Variants in NOL4L observed in about 807,000 individuals in gnomAD.
NOL4L encodes the protein nucleolar protein 4-like.
NOL4L carries 7 observed loss-of-function variants against 64.5 expected under a neutral mutation model. The observed-to-expected ratio is 0.11, with a 90% CI of 0.06 to 0.20. The LOEUF is 0.20. Among genes scored for constraint, NOL4L ranks in the 10% least tolerant of loss-of-function variants. NOL4L has a pLI of 1.00. For missense variants in NOL4L, 680 were observed against 967.1 expected (o/e 0.70, Z 3.94); for synonymous variants, 413 against 401.0 (o/e 1.03, Z -0.36).
intron 1 of NOL4L, among the ~76,000 whole-genome samples, chr20:32,539,941 C>T (rs1043108016): frequency 1.3e-5 from 2 of 152,180 alleles, no homozygotes; most frequent in African/African-American, 2.4e-5. Flanking sequence ...GCCCCTCGGC[C>T]GGGGCTGATA....
At chr20:32,572,997 C>T (rs2145621743) in intron 1 of NOL4L, among the ~76,000 whole-genome samples, 1 of 152,210 alleles carries the variant, frequency 6.6e-6, no homozygotes, top group South Asian at 2.1e-4. Context: ...TTCAGCTCCC[C>T]AAGGCAGCTC....
chr20:32,465,169 G>A (rs536834946), intron 5 of NOL4L: 6 of 473,406 alleles, frequency 1.3e-5, no homozygotes, highest in East Asian at 7.0e-5. Context: ...CCAATTATGC[G>A]TCAGGTCCCG....
intron 1 of NOL4L, among the ~76,000 whole-genome samples, chr20:32,552,308 A>G (rs1978347224): frequency 6.6e-6 from 1 of 152,180 alleles, no homozygotes; most frequent in African/African-American, 2.4e-5. Flanking sequence ...GGGGAGAGGA[A>G]CAGGGTGACT....
At position 32,443,983 on chromosome 20, in the gene NOL4L, T is replaced by A. The variant is rs1386592786; in HGVS notation, c.*3613A>T. 2 of 152,374 alleles carry A rather than the reference T, an allele frequency of 1.3e-5. No homozygotes were observed. The highest frequency in any genetic ancestry group is 1.3e-4 in the Admixed American group (2 of 15,306). The allele number at this position is 152,374 out of a possible 1,614,324, so 9.4% of individuals were successfully genotyped here. A position where few individuals can be genotyped will look rare whatever the true frequency, so the allele number is the denominator to read the frequency against. On this transcript the variant is annotated 3_prime_UTR_variant, in exon 11 of 11. Coordinates refer to ENST00000621426, the MANE Select transcript of NOL4L (RefSeq NM_001256798.2). ...CTGAGTTCTACGTGGTATAGGTTTTTTGTTGTATTTTTAGGTGGAAACGTA... is the reference window on the plus strand; with the variant it reads ...CTGAGTTCTACGTGGTATAGGTTTTATGTTGTATTTTTAGGTGGAAACGTA...
chr20:32,521,270 G>C (rs1343404344), intron 2 of NOL4L, among the ~76,000 whole-genome samples: 9 of 152,162 alleles, frequency 5.9e-5, no homozygotes, highest in Admixed American at 4.6e-4. Context: ...CTCTAGCGTA[G>C]GGTGAGCAGT....
At chr20:32,584,101 C>A (rs1252615492) in intron 1 of NOL4L, among the ~76,000 whole-genome samples, 1 of 141,314 alleles carries the variant, frequency 7.1e-6, no homozygotes, top group South Asian at 2.3e-4. Flanking sequence ...TCCCTCCCCC[C>A]CCCCCACCCC....
rs997216070 is a variant in NOL4L, at chr20:32,443,976, A to AG, written c.*3619dup. The AG allele has an allele frequency of 2.6e-5, 4 of 152,192 alleles. No individual in the cohort carries two copies. The highest frequency in any genetic ancestry group is 6.5e-5 in the Admixed American group (1 of 15,282). 9.4% of individuals were successfully genotyped at this position (152,192 alleles called of 1,614,324 possible). A position where few individuals can be genotyped will look rare whatever the true frequency, so the allele number is the denominator to read the frequency against. On this transcript the variant is annotated 3_prime_UTR_variant, in exon 11 of 11. Transcript: ENST00000621426. ...AGCCAATCTGAGTTCTACGTGGTAT[A>AG]GGTTTTTTGTTGTATTTTTAGGTGG...
At chr20:32,522,138 C>T (rs2017966732) in intron 2 of NOL4L, among the ~76,000 whole-genome samples, 1 of 152,224 alleles carries the variant, frequency 6.6e-6, no homozygotes, top group African/African-American at 2.4e-5. Flanking sequence ...TGGGGTGTCC[C>T]AGGCTGTGGC....
In NOL4L at chr20:32,536,293, C is replaced by T. The variant is rs894714700; in HGVS notation, c.322-8380G>A. The stretch of plus-strand genomic sequence containing the variant: ...CCCTGAGCCAGCCAGGCCCCGCGGG[C>T]GGGTCCCTCTCGGGCCGAGGAGGCG... On this transcript the variant is annotated intron_variant, in intron 1 of 10. Coordinates refer to ENST00000621426, the MANE Select transcript of NOL4L (RefSeq NM_001256798.2). 15 of 985,216 alleles carry T rather than the reference C, an allele frequency of 1.5e-5. No individual in the cohort carries two copies. The South Asian group carries it at 6.1e-4, about 40-fold the overall frequency. The allele number at this position is 985,216 out of a possible 1,614,324, so 61.0% of individuals were successfully genotyped here. A position where few individuals can be genotyped will look rare whatever the true frequency, so the allele number is the denominator to read the frequency against.
chr20:32,492,012 G>A (rs2016487598), intron 4 of NOL4L, among the ~76,000 whole-genome samples: 1 of 152,206 alleles, frequency 6.6e-6, no homozygotes, highest in Non-Finnish European at 1.5e-5. Context: ...TGTGGAGGCT[G>A]AGGTGGGAGG....
intron 4 of NOL4L, among the ~76,000 whole-genome samples, chr20:32,488,818 T>TTTCC (rs2016282079): frequency 1.1e-4 from 2 of 17,420 alleles, no homozygotes; most frequent in East Asian, 3.4e-3. Context: ...TCTTTCTTTC[T>TTTCC]TTCTTTCTTT....
rs1021516793 is a variant in NOL4L, at chr20:32,511,436, G to C, written c.610C>G (p.Leu204Val). Residue 204 changes from leucine (L) to valine (V), a missense_variant, in exon 4 of 11, where the codon CTG becomes GTG. By Grantham distance (32) the Leu-to-Val change is conservative. Transcript: ENST00000621426. The part of the protein sequence containing the change: ...EPKENEPPSP[L>V]VSGIIDYNMP... ...TTGTAATCAATAATCCCAGAGACCA[G>C]TGGAGATGGAGGCTCGTTTTCTGGC... is the stretch of plus-strand genomic sequence containing the variant. 3.9e-6 allele frequency: 6 copies of C among 1,550,186 alleles called. No homozygotes were observed. The highest frequency in any genetic ancestry group is 1.2e-5 in the South Asian group (1 of 84,052).
intron 6 of NOL4L, 69 bp downstream of exon 6, chr20:32,456,049 A>C (rs904952916): frequency 7.0e-7 from 1 of 1,428,144 alleles, no homozygotes; most frequent in African/African-American, 1.5e-5. Flanking sequence ...CTGGGCGTAT[A>C]CAATTTCATT....
intron 4 of NOL4L, among the ~76,000 whole-genome samples, chr20:32,497,861 G>C (rs1046547729): frequency 1.3e-5 from 2 of 152,212 alleles, no homozygotes; most frequent in Admixed American, 6.5e-5. Flanking sequence ...TGGACGCCCA[G>C]GTAGCAGCTC....
At chr20:32,537,034 C>G in intron 1 of NOL4L, 7 of 983,410 alleles carry the variant, frequency 7.1e-6, no homozygotes, top group Non-Finnish European at 8.4e-6. Context: ...CCCCGCCAAC[C>G]GGCTCCCGGC....
chr20:32,564,545 G>C (rs1038782276), intron 1 of NOL4L, among the ~76,000 whole-genome samples: 1 of 152,226 alleles, frequency 6.6e-6, no homozygotes, highest in East Asian at 1.9e-4. Flanking sequence ...CTCCCATTTT[G>C]CAGCAGAAGA....
At chr20:32,481,426 C>T (rs760658456) in intron 4 of NOL4L, among the ~76,000 whole-genome samples, 17 of 152,216 alleles carry the variant, frequency 1.1e-4, no homozygotes, top group Non-Finnish European at 1.6e-4. Context: ...AAGAAAGGAA[C>T]CCAGACAACA....
chr20:32,488,166 G>C lies in NOL4L; in HGVS notation c.700-13424C>G, dbSNP rs572624118. The stretch of plus-strand genomic sequence containing the variant: ...GCTGGTCTCAAGCTCCTGGACTCAA[G>C]TGATCCACCCGCCTTGGCCTTCCAA... On this transcript the variant is annotated intron_variant, in intron 4 of 10. Transcript: ENST00000621426. Among the ~76,000 whole-genome samples, 3 of 152,286 alleles carry C rather than the reference G, an allele frequency of 2.0e-5. No homozygotes were observed. The South Asian group carries it at 6.2e-4, about 32-fold the overall frequency.
intron 5 of NOL4L, among the ~76,000 whole-genome samples, chr20:32,473,305 G>A (rs576752007): frequency 5.9e-5 from 9 of 152,300 alleles, no homozygotes; most frequent in East Asian, 1.9e-4. Flanking sequence ...CAGTTGAGGC[G>A]GGAGGTCAGC....
Sources: allele counts gnomAD v4.1 joint callset (sites outside exome capture counted in the v4.1 genomes callset), GRCh38; gene constraint gnomAD v4.1.1; transcripts MANE v1.5; gene names NCBI Gene and HGNC (gene_info 2026-07-23, HGNC 2026-07-21).